The following GABRA2 variants were observed in gnomAD, a reference collection of about 807,000 sequenced individuals.
GABRA2 encodes gamma-aminobutyric acid type A receptor subunit alpha2.
Under a neutral mutation model 48.7 loss-of-function variants are expected in GABRA2, and 16 were observed. The observed-to-expected ratio is 0.33, with a 90% CI of 0.22 to 0.50. The LOEUF (loss-of-function observed/expected upper bound fraction) is 0.50, where lower values mean the gene tolerates loss of function less well. GABRA2 is among the 20% of genes least tolerant of loss of function. The pLI is 0.98. For synonymous variants in GABRA2, 185 were observed against 184.5 expected (o/e 1.00, Z -0.02); for missense variants, 275 against 535.6 (o/e 0.51, Z 4.80).
In GABRA2 at chr4:46,246,924, T is replaced by C. The variant is rs939149255; in HGVS notation, c.*3384A>G. On this transcript the variant is annotated 3_prime_UTR_variant, in exon 10 of 10. Coordinates refer to ENST00000381620, the MANE Select transcript of GABRA2 (RefSeq NM_000807.4). ...GCCATGCCAAAGAAAAGTACTTTGG[T>C]GCTCTTCTGGAATCCATGATTATAT... 3.3e-5 allele frequency among the ~76,000 whole-genome samples: 5 copies of C among 151,158 alleles called. No homozygotes were observed. The highest frequency in any genetic ancestry group is 1.2e-4 in the African/African-American group (5 of 41,332).
At chr4:46,296,087 G>T (rs1168544116) in intron 8 of GABRA2, among the ~76,000 whole-genome samples, 1 of 152,154 alleles carries the variant, frequency 6.6e-6, no homozygotes, top group African/African-American at 2.4e-5. Flanking sequence ...AAGCCAACTA[G>T]GTGACAATAC....
intron 3 of GABRA2, among the ~76,000 whole-genome samples, chr4:46,358,991 A>G (rs1212305884): frequency 6.6e-6 from 1 of 152,194 alleles, no homozygotes; most frequent in African/African-American, 2.4e-5. Context: ...TCATTCCACC[A>G]TCATAAACAC....
Position 46,262,115 on chromosome 4 carries a change from G to A in GABRA2, c.870C>T (p.Val290=). 1 of 1,613,602 alleles carries A rather than the reference G, an allele frequency of 6.2e-7. No individual in the cohort carries two copies. The highest frequency in any genetic ancestry group is 8.5e-7 in the Non-Finnish European group (1 of 1,179,780). ...PARTVFGVTT[V]LTMTTLSISA... The stretch of plus-strand genomic sequence containing the variant: ...TGATGCTTAGAGTTGTCATTGTTAG[G>A]ACAGTTGTTACTCCTGCAAAAGAAA... Residue 290 remains valine, a synonymous_variant, in exon 9 of 10, where the codon GTC becomes GTT. Transcript: ENST00000381620.
rs576457340 is a variant in GABRA2 at position 46,329,705 on chromosome 4, T to A, written c.255+2910A>T. ...AAAAAAGAATTTAGCTGTCTTTTATTAGTTAATAATTCTTTATATCAGATT... is the reference window on the plus strand; with the variant it reads ...AAAAAAGAATTTAGCTGTCTTTTATAAGTTAATAATTCTTTATATCAGATT... On this transcript the variant is annotated intron_variant, in intron 4 of 9. Transcript: ENST00000381620. Among the ~76,000 whole-genome samples the A allele has an allele frequency of 7.9e-5, 12 of 152,280 alleles. 1 individual carries two copies. The highest frequency in any genetic ancestry group is 2.4e-4 in the African/African-American group (10 of 41,570).
intron 8 of GABRA2, among the ~76,000 whole-genome samples, chr4:46,293,568 G>A (rs1382375710): frequency 1.3e-5 from 2 of 152,138 alleles, no homozygotes; most frequent in African/African-American, 2.4e-5. Context: ...GGTCCAGTCA[G>A]GCCCTGGACT....
intron 4 of GABRA2, among the ~76,000 whole-genome samples, chr4:46,315,112 T>C (rs1728323229): frequency 6.6e-6 from 1 of 151,740 alleles, no homozygotes; most frequent in Non-Finnish European, 1.5e-5. Context: ...AGCAACAGTG[T>C]GTAAGTATTC....
At position 46,332,692 on chromosome 4, in the gene GABRA2, G is replaced by A; in HGVS notation, c.188-10C>T. 6.8e-7 allele frequency: 1 copy of A among 1,468,326 alleles called. No homozygotes were observed. The highest frequency in any genetic ancestry group is 2.3e-5 in the East Asian group (1 of 43,788). 91.0% of individuals were successfully genotyped at this position (1,468,326 alleles called of 1,614,324 possible). A position where few individuals can be genotyped will look rare whatever the true frequency, so the allele number is the denominator to read the frequency against. On this transcript the variant is annotated splice_polypyrimidine_tract_variant and intron_variant, in intron 3 of 9. Transcript: ENST00000381620. ...ACTTCAGTAATACTGTCTAATATGA[G>A]AAAAGAGATTGAATATAGATATTAT...
intron 8 of GABRA2, among the ~76,000 whole-genome samples, chr4:46,302,848 G>T (rs930923154): frequency 5.3e-5 from 8 of 152,258 alleles, no homozygotes; most frequent in Admixed American, 1.3e-4. Context: ...TCTGCCTAGA[G>T]AACCCTCTTT....
chr4:46,313,624 T>C (rs918140101), intron 4 of GABRA2, among the ~76,000 whole-genome samples: 6 of 151,910 alleles, frequency 3.9e-5, no homozygotes, highest in African/African-American at 1.4e-4. Flanking sequence ...CTATCATTCT[T>C]AAGGTAACGT....
chr4:46,325,457 T>C (rs1730195409), intron 4 of GABRA2, among the ~76,000 whole-genome samples: 1 of 152,056 alleles, frequency 6.6e-6, no homozygotes, highest in Non-Finnish European at 1.5e-5. Context: ...TGAAGTACTT[T>C]ATAGATTCTG....
chr4:46,381,594 C>G (rs1009981352), intron 3 of GABRA2, among the ~76,000 whole-genome samples: 6 of 152,130 alleles, frequency 3.9e-5, no homozygotes, highest in Non-Finnish European at 8.8e-5. Context: ...TAATTCCTAT[C>G]AATTGTATGT....
rs1437089493 is a variant in GABRA2, at chr4:46,390,116, G to A, written c.-392C>T. 1 of 970,726 alleles carries A rather than the reference G, an allele frequency of 1.0e-6. No homozygotes were observed. The highest frequency in any genetic ancestry group is 6.2e-5 in the Admixed American group (1 of 16,146). The allele number at this position is 970,726 out of a possible 1,614,324, so 60.1% of individuals were successfully genotyped here. A position where few individuals can be genotyped will look rare whatever the true frequency, so the allele number is the denominator to read the frequency against. On this transcript the variant is annotated 5_prime_UTR_variant, in exon 1 of 10. Transcript: ENST00000381620. ...GGTGCGCGCCGGCGGTGGCGGGCAC[G>A]AGCCCCGCGCCTGGAGGAGGAGGAG...
intron 3 of GABRA2, among the ~76,000 whole-genome samples, chr4:46,343,308 C>T (rs564338649): frequency 2.0e-5 from 3 of 152,000 alleles, no homozygotes; most frequent in Non-Finnish European, 2.9e-5. Flanking sequence ...ATTTCTGGAA[C>T]GTAGTAGGCT....
At chr4:46,387,357 C>T (rs906874286) in intron 2 of GABRA2, among the ~76,000 whole-genome samples, 1 of 152,036 alleles carries the variant, frequency 6.6e-6, no homozygotes, top group Non-Finnish European at 1.5e-5. Flanking sequence ...TTAAAAGTGT[C>T]CATTTGCATT....
intron 6 of GABRA2, among the ~76,000 whole-genome samples, chr4:46,307,703 A>G (rs1374398501): frequency 6.6e-6 from 1 of 152,148 alleles, no homozygotes; most frequent in Non-Finnish European, 1.5e-5. Context: ...CTTTACTGCT[A>G]TGGAAGATGG....
chr4:46,311,691 C>A (rs1275156572), intron 5 of GABRA2, among the ~76,000 whole-genome samples: 4 of 152,176 alleles, frequency 2.6e-5, no homozygotes, highest in Non-Finnish European at 5.9e-5. Context: ...ATGGTTCAAT[C>A]TAGTACATGT....
At chr4:46,363,096 T>C (rs1255963374) in intron 3 of GABRA2, among the ~76,000 whole-genome samples, 2 of 152,204 alleles carry the variant, frequency 1.3e-5, no homozygotes, top group South Asian at 2.1e-4. Flanking sequence ...TAAAAAGTTA[T>C]ATATCCATTA....
intron 8 of GABRA2, among the ~76,000 whole-genome samples, chr4:46,295,195 G>A (rs1724410487): frequency 6.6e-6 from 1 of 152,212 alleles, no homozygotes; most frequent in African/African-American, 2.4e-5. Context: ...CGGCAGAGAA[G>A]GGAGATCTTT....
At chr4:46,287,017 T>A (rs1238216419) in intron 8 of GABRA2, among the ~76,000 whole-genome samples, 3 of 152,194 alleles carry the variant, frequency 2.0e-5, no homozygotes, top group African/African-American at 7.2e-5. Context: ...ATTCATTCAT[T>A]GTTAAATACA....
Sources: allele counts gnomAD v4.1 joint callset (sites outside exome capture counted in the v4.1 genomes callset), GRCh38; gene constraint gnomAD v4.1.1; transcripts MANE v1.5; gene names NCBI Gene and HGNC (gene_info 2026-07-23, HGNC 2026-07-21).